The following CORIN variants were observed in gnomAD, a reference collection of about 807,000 sequenced individuals.
CORIN encodes the protein corin, serine peptidase, also known as atrial natriuretic peptide-converting enzyme.
Under a neutral mutation model 125.3 loss-of-function variants are expected in CORIN, and 117 were observed. That is an observed-to-expected ratio of 0.93 (90% CI 0.80 to 1.09). CORIN has a LOEUF of 1.09. Among genes scored for constraint, CORIN ranks in the 50% least tolerant of loss-of-function variants. CORIN has a pLI of 0.00. For missense variants in CORIN, 1,253 were observed against 1,306.7 expected (o/e 0.96, Z 0.63); for synonymous variants, 450 against 466.4 (o/e 0.96, Z 0.45).
chr4:47,643,229 C>A lies in CORIN; in HGVS notation c.1985G>T (p.Cys662Phe). Residue 662 changes from cysteine to phenylalanine, a missense_variant, in exon 15 of 22, where the codon TGT (cysteine) becomes TTT (phenylalanine). By Grantham distance (205) the Cys-to-Phe change is radical. Transcript: ENST00000273857. ...CSFCQDDELE[C>F]ANHACVSRDL... ...ACGTGACACACACGCATGGTTTGCACATTCCAGCTCATCATCTTGGCAAAA... is the reference window on the plus strand; with the variant it reads ...ACGTGACACACACGCATGGTTTGCAAATTCCAGCTCATCATCTTGGCAAAA... 1 of 1,600,984 alleles carries A rather than the reference C, an allele frequency of 6.2e-7. No individual in the cohort carries two copies.
At chr4:47,770,943 T>C (rs1448242818) in intron 3 of CORIN, among the ~76,000 whole-genome samples, 2 of 152,080 alleles carry the variant, frequency 1.3e-5, no homozygotes, top group East Asian at 3.9e-4. Context: ...AGAAGTAAGA[T>C]CAAGCGACCT....
At chr4:47,633,361 T>C (rs1722913777) in intron 16 of CORIN, among the ~76,000 whole-genome samples, 1 of 152,144 alleles carries the variant, frequency 6.6e-6, no homozygotes. Flanking sequence ...ACATTATCAT[T>C]CTAATATAAA....
chr4:47,782,924 C>T (rs1411535419), intron 3 of CORIN, among the ~76,000 whole-genome samples: 2 of 151,154 alleles, frequency 1.3e-5, no homozygotes, highest in African/African-American at 2.4e-5. Flanking sequence ...AGGGAATATG[C>T]CTTTTTTTTT....
At chr4:47,743,881 T>C (rs1328168632) in intron 5 of CORIN, among the ~76,000 whole-genome samples, 2 of 149,868 alleles carry the variant, frequency 1.3e-5, no homozygotes, top group African/African-American at 4.9e-5. Context: ...CAAGTCTCTG[T>C]CTCCAGAAAA....
intron 3 of CORIN, among the ~76,000 whole-genome samples, chr4:47,769,748 A>G (rs1277889484): frequency 6.6e-6 from 1 of 152,168 alleles, no homozygotes; most frequent in Non-Finnish European, 1.5e-5. Flanking sequence ...CAAAGATGCC[A>G]AGAATACACA....
chr4:47,793,828 T>C (rs1337309217), intron 2 of CORIN, among the ~76,000 whole-genome samples: 1 of 152,144 alleles, frequency 6.6e-6, no homozygotes, highest in African/African-American at 2.4e-5. Flanking sequence ...TCTGGGGTGG[T>C]TCTTGTTAGA....
intron 5 of CORIN, among the ~76,000 whole-genome samples, chr4:47,733,631 A>G (rs1007072305): frequency 6.6e-6 from 1 of 152,224 alleles, no homozygotes; most frequent in African/African-American, 2.4e-5. Context: ...ATTACAGACT[A>G]GGTAAAGGAT....
At chr4:47,627,607 T>G (rs1722633198) in intron 16 of CORIN, among the ~76,000 whole-genome samples, 1 of 152,182 alleles carries the variant, frequency 6.6e-6, no homozygotes. Context: ...TTTCTTTTTC[T>G]TGGCCAAAAT....
chr4:47,641,995 G>A lies in CORIN; in HGVS notation c.2123C>T (p.Ala708Val). 6.2e-7 allele frequency: 1 copy of A among 1,613,596 alleles called. No homozygotes were observed. The highest frequency in any genetic ancestry group is 8.5e-7 in the Non-Finnish European group (1 of 1,179,666). ...SSSFLMVHRAATEHHVCADGW... is the reference protein window; with the variant it reads ...SSSFLMVHRAVTEHHVCADGW... ...ATCTGCACACACATGGTGTTCTGTG[G>A]CAGCTCTGTGAACCATCAGAAAGGA... The change falls in exon 16 of 22, where the codon GCC becomes GTC. Residue 708 changes from alanine to valine, a missense_variant. Transcript: ENST00000273857.
At chr4:47,756,213 A>T (rs1383095324) in intron 4 of CORIN, among the ~76,000 whole-genome samples, 1 of 152,230 alleles carries the variant, frequency 6.6e-6, no homozygotes. Context: ...AACATTATAC[A>T]CAAAGGAAGC....
chr4:47,738,231 A>G (rs1010049518), intron 5 of CORIN, among the ~76,000 whole-genome samples: 2 of 152,128 alleles, frequency 1.3e-5, no homozygotes, highest in Non-Finnish European at 2.9e-5. Flanking sequence ...TGTGGCAGAC[A>G]TTGAGACCCT....
chr4:47,772,791 C>G (rs1730110053), intron 3 of CORIN, among the ~76,000 whole-genome samples: 1 of 152,166 alleles, frequency 6.6e-6, no homozygotes, highest in Non-Finnish European at 1.5e-5. Context: ...ATTATTATCT[C>G]ATTTGTGACT....
intron 5 of CORIN, among the ~76,000 whole-genome samples, chr4:47,717,545 GC>G (rs1392550833): frequency 6.6e-6 from 1 of 152,038 alleles, no homozygotes; most frequent in East Asian, 1.9e-4. Flanking sequence ...CAGTGACTTC[GC>G]CCCTGAAATG....
chr4:47,736,950 T>G (rs1178636610), intron 5 of CORIN, among the ~76,000 whole-genome samples: 1 of 152,216 alleles, frequency 6.6e-6, no homozygotes, highest in Non-Finnish European at 1.5e-5. Flanking sequence ...ATCTATCACT[T>G]GGGAGGGTTG....
intron 3 of CORIN, among the ~76,000 whole-genome samples, chr4:47,768,456 C>T (rs900913705): frequency 6.6e-6 from 1 of 152,176 alleles, no homozygotes; most frequent in Admixed American, 6.5e-5. Context: ...GAAAAGTGAA[C>T]ATTTGTAAAC....
rs186744547 is a variant in CORIN, at chr4:47,772,421, G to C, written c.410-8835C>G. 2.6e-5 allele frequency among the ~76,000 whole-genome samples: 4 copies of C among 152,326 alleles called. No individual in the cohort carries two copies. In the East Asian group the frequency reaches 7.7e-4, roughly 29 times the overall value. ...GAATTAAGTGAGACTTAACATTGCA[G>C]CTGTAGCAGCATCTGTCAGGCATTT... On this transcript the variant is annotated intron_variant, in intron 3 of 21. Coordinates refer to ENST00000273857, the MANE Select transcript of CORIN (RefSeq NM_006587.4).
At chr4:47,661,956 T>C in intron 11 of CORIN, 100 bp from the exon 12 acceptor site, 1 of 1,199,150 alleles carries the variant, frequency 8.3e-7, no homozygotes, top group Non-Finnish European at 1.1e-6. Context: ...GTATGTGGCA[T>C]GTATTGTGGG....
At chr4:47,640,949 T>A (rs142695780) in intron 16 of CORIN, among the ~76,000 whole-genome samples, 2 of 152,328 alleles carry the variant, frequency 1.3e-5, no homozygotes, top group East Asian at 3.8e-4. Context: ...ATTTAATAGA[T>A]CTTGGCAAAT....
chr4:47,762,790 G>C (rs1405487387), intron 4 of CORIN, among the ~76,000 whole-genome samples: 1 of 152,200 alleles, frequency 6.6e-6, no homozygotes, highest in African/African-American at 2.4e-5. Context: ...TGGCAGATGG[G>C]AGGGTGGGAG....
Sources: gnomAD v4.1 joint callset for allele counts (sites outside exome capture counted in the v4.1 genomes callset) on GRCh38, gnomAD v4.1.1 for gene constraint, MANE v1.5 for transcripts, NCBI Gene and HGNC (gene_info 2026-07-23, HGNC 2026-07-21) for gene names.